Variants in CKMT1B observed in about 807,000 individuals in gnomAD.
CKMT1B encodes the protein creatine kinase U-type, mitochondrial.
In CKMT1B, 13 loss-of-function variants were observed where a neutral mutation model predicts 21.8. The ratio of observed to expected loss-of-function variants is 0.60; its 90% CI spans 0.39 to 0.95. CKMT1B has a LOEUF of 0.95. CKMT1B is among the 40% of genes least tolerant of loss of function. CKMT1B has a pLI of 0.00. For missense variants in CKMT1B, 157 were observed against 227.5 expected (o/e 0.69, Z 1.99); for synonymous variants, 50 against 80.3 (o/e 0.62, Z 2.02).
At chr15:43,597,508 C>G in intron 6 of CKMT1B, 2 of 1,253,874 alleles carry the variant, frequency 1.6e-6, no homozygotes, top group Non-Finnish European at 2.1e-6. Flanking sequence ...TGTAAGATAT[C>G]CCCTATGGCA....
chr15:43,596,472 A>T lies in CKMT1B; in HGVS notation c.817A>T (p.Met273Leu). 1.9e-6 allele frequency: 3 copies of T among 1,601,496 alleles called. No homozygotes were observed. Among genetic ancestry groups the T allele is most frequent in the Non-Finnish European group, 2.5e-6 (3 of 1,176,484 alleles). The change falls in exon 6 of 9, where the codon ATG becomes TTG. Residue 273 changes from methionine (M) to leucine (L), a missense_variant. Met to Leu is a conservative substitution (Grantham distance 15). Coordinates refer to ENST00000441322, the MANE Select transcript of CKMT1B (RefSeq NM_001375484.1). ...GGAGGATCATACACGGGTGATCTCC[A>T]TGGAGAAGGGTGGTAACATGAAGAG... ...NEEDHTRVIS[M>L]EKGGNMKRVF...
rs769957945 is a variant in CKMT1B, at chr15:43,598,217, G to A, written c.901G>A (p.Gly301Ser). The change falls in exon 7 of 9, where the codon GGC (glycine) becomes AGC (serine). Residue 301 changes from glycine to serine, a missense_variant. Physicochemically the swap from Gly to Ser is moderately conservative, Grantham distance 56. Transcript: ENST00000441322. ...KEVERLIQER[G>S]WEFMWNERLG... Reference sequence around the variant, plus strand: ...GGTGGAGAGACTTATCCAAGAACGTGGCTGGGAGTTCATGTGGAATGAGCG... The same window carrying A: ...GGTGGAGAGACTTATCCAAGAACGTAGCTGGGAGTTCATGTGGAATGAGCG... The A allele has an allele frequency of 6.2e-6, 10 of 1,608,288 alleles. No homozygotes were observed. The highest frequency in any genetic ancestry group is 5.0e-5 in the Admixed American group (3 of 59,782).
rs754614855 is a variant in CKMT1B, at chr15:43,596,398, C to T, written c.753-10C>T. 6.2e-5 allele frequency: 96 copies of T among 1,559,284 alleles called. 4 individuals carry two copies. The East Asian group carries it at 7.7e-4, about 12-fold the overall frequency. On this transcript the variant is annotated splice_polypyrimidine_tract_variant and intron_variant, in intron 5 of 8. Coordinates refer to ENST00000441322, the MANE Select transcript of CKMT1B (RefSeq NM_001375484.1). ...TTGCCTCTTGATCACTGTCCCTCTC[C>T]GGCCCTCAGGCACAACAATGAGAAG...
At chr15:43,598,359 G>C in intron 7 of CKMT1B, 32 bp downstream of exon 7, 2 of 1,595,302 alleles carry the variant, frequency 1.3e-6, no homozygotes, top group Non-Finnish European at 1.7e-6. Context: ...AGAGGGGTGT[G>C]AGTAAGGAAG....
chr15:43,599,023 C>T (rs1595955433), intron 8 of CKMT1B, 71 bp downstream of exon 8: 7 of 1,599,096 alleles, frequency 4.4e-6, no homozygotes, highest in South Asian at 3.4e-5. Context: ...AGTGAGTGAG[C>T]CTCCGGGATG....
rs763355494 is a variant in CKMT1B, at chr15:43,596,281, T to C, written c.741T>C (p.Ala247=). 1 of 734,120 alleles carries C rather than the reference T, an allele frequency of 1.4e-6. No individual in the cohort carries two copies. Among genetic ancestry groups the C allele is most frequent in the African/African-American group, 2.9e-5 (1 of 34,466 alleles). 45.5% of individuals were successfully genotyped at this position (734,120 alleles called of 1,614,324 possible). A position where few individuals can be genotyped will look rare whatever the true frequency, so the allele number is the denominator to read the frequency against. Residue 247 remains alanine, a synonymous_variant, in exon 5 of 9, where the codon GCT becomes GCC. Transcript: ENST00000441322. ...AAGMARDWPD[A]RGIWHNNEKS... is the part of the protein sequence containing the mutation. ...GAATGGCTCGAGACTGGCCAGATGC[T>C]CGTGGAATTTGGTATGAAGCTGCTC... is the stretch of plus-strand genomic sequence containing the variant.
rs370206328 is a variant in CKMT1B, at chr15:43,599,134, G to C, written c.1138-23G>C. ...AGAAAAACTCAGACTGTAGGAAGCA[G>C]ATCAAAGATTAGTGTCCCTTAGGTG... On this transcript the variant is annotated intron_variant, in intron 8 of 8. Transcript: ENST00000441322. The C allele has an allele frequency of 1.1e-5, 17 of 1,613,402 alleles. 1 individual carries two copies. The highest frequency in any genetic ancestry group is 1.4e-5 in the Non-Finnish European group (17 of 1,179,696).
Position 43,599,348 on chromosome 15 carries a change from C to G in CKMT1B, c.*75C>G, listed in dbSNP as rs2085644438. ...CTAATGATGGCCCATTCTACTTGCT[C>G]TGGACCTGCCCCCGCATCCCCTGCC... On this transcript the variant is annotated 3_prime_UTR_variant, in exon 9 of 9. Transcript: ENST00000441322. 6 of 1,609,820 alleles carry G rather than the reference C, an allele frequency of 3.7e-6. No individual in the cohort carries two copies. In the African/African-American group the frequency reaches 4.0e-5, roughly 11 times the overall value.
chr15:43,598,447 G>A (rs572528695), intron 7 of CKMT1B, 120 bp downstream of exon 7: 4 of 1,444,798 alleles, frequency 2.8e-6, no homozygotes, highest in Non-Finnish European at 3.8e-6. Context: ...CAGAGGACAG[G>A]CCAGGCACAG....
chr15:43,597,527 T>G lies in CKMT1B; in HGVS notation c.877-666T>G, dbSNP rs1332645866. The G allele has an allele frequency of 2.5e-6, 3 of 1,205,710 alleles. 1 individual carries two copies. In the African/African-American group the frequency reaches 5.1e-5, roughly 21 times the overall value. The allele number at this position is 1,205,710 out of a possible 1,614,324, so 74.7% of individuals were successfully genotyped here. On this transcript the variant is annotated intron_variant, in intron 6 of 8. Coordinates refer to ENST00000441322, the MANE Select transcript of CKMT1B (RefSeq NM_001375484.1). ...AGATATCCCCTATGGCATGGTTCCTTCTGAACTATAAAGAGGATCCCTTTA... is the reference window on the plus strand; with the variant it reads ...AGATATCCCCTATGGCATGGTTCCTGCTGAACTATAAAGAGGATCCCTTTA...
chr15:43,599,337 T>A lies in CKMT1B; in HGVS notation c.*64T>A. On this transcript the variant is annotated 3_prime_UTR_variant, in exon 9 of 9. Coordinates refer to ENST00000441322, the MANE Select transcript of CKMT1B (RefSeq NM_001375484.1). ...TTCTGCTCATTCTAATGATGGCCCA[T>A]TCTACTTGCTCTGGACCTGCCCCCG... The A allele has an allele frequency of 1.9e-6, 3 of 1,612,712 alleles. No individual in the cohort carries two copies. The East Asian group carries it at 6.7e-5, about 36-fold the overall frequency.
rs1404008370 is a variant in CKMT1B, at chr15:43,596,455, A to G, written c.800A>G (p.His267Arg). Residue 267 changes from histidine (H) to arginine (R), a missense_variant, in exon 6 of 9, where the codon CAT becomes CGT. By Grantham distance (29) the His-to-Arg change is conservative. Transcript: ENST00000441322. ...SFLIWVNEED[H>R]TRVISMEKGG... ...CTGATCTGGGTGAATGAGGAGGATC[A>G]TACACGGGTGATCTCCATGGAGAAG... 4 of 1,596,658 alleles carry G rather than the reference A, an allele frequency of 2.5e-6. No homozygotes were observed. The highest frequency in any genetic ancestry group is 3.4e-6 in the Non-Finnish European group (4 of 1,173,580).
chr15:43,598,146 A>G, intron 6 of CKMT1B, 47 bp from the exon 7 acceptor site: 1 of 1,607,970 alleles, frequency 6.2e-7, no homozygotes, highest in African/African-American at 1.4e-5. Flanking sequence ...GTCCAGGGTT[A>G]ATGAAATATC....
At chr15:43,597,672 CT>C (rs2085594264) in intron 6 of CKMT1B, 4 of 974,092 alleles carry the variant, frequency 4.1e-6, no homozygotes, top group Non-Finnish European at 5.1e-6. Context: ...CCCCCGCCCC[CT>C]ATTCCTATGA....
rs1478321371 is a variant in CKMT1B at position 43,596,521 on chromosome 15, G to A, written c.866G>A (p.Gly289Asp). ...AGAGTGTTTGAAAGATTCTGCCGAG[G>A]CCTCAAAGAGGTTAGAGAAGACTAT... ...MKRVFERFCRGLKEVERLIQE... is the reference protein window; with the variant it reads ...MKRVFERFCRDLKEVERLIQE... The change falls in exon 6 of 9, where the codon GGC becomes GAC. Residue 289 changes from glycine to aspartate, a missense_variant. Gly to Asp is a moderately conservative substitution (Grantham distance 94, BLOSUM62 -1). Transcript: ENST00000441322. 1 of 1,607,446 alleles carries A rather than the reference G, an allele frequency of 6.2e-7. No homozygotes were observed. The highest frequency in any genetic ancestry group is 8.5e-7 in the Non-Finnish European group (1 of 1,179,352).
intron 7 of CKMT1B, 147 bp downstream of exon 7, chr15:43,598,474 T>C: frequency 8.0e-7 from 1 of 1,252,394 alleles, no homozygotes; most frequent in South Asian, 1.5e-5. Context: ...ATGCCTCTAA[T>C]CCCAACACTT....
Position 43,598,887 on chromosome 15 carries a change from G to T in CKMT1B, c.1072G>T (p.Val358Leu). 5.0e-6 allele frequency: 8 copies of T among 1,609,348 alleles called. No homozygotes were observed. The highest frequency in any genetic ancestry group is 6.8e-6 in the Non-Finnish European group (8 of 1,179,626). ...ACTCCAAAAACGTGGTACTGGAGGA[G>T]TGGACACTGCTGCTACAGGCGGTGT... ...LRLQKRGTGG[V>L]DTAATGGVFD... Residue 358 changes from valine (V) to leucine (L), a missense_variant, in exon 8 of 9, where the codon GTG (valine) becomes TTG (leucine). Coordinates refer to ENST00000441322, the MANE Select transcript of CKMT1B (RefSeq NM_001375484.1).
Position 43,596,516 on chromosome 15 carries a change from C to T in CKMT1B, c.861C>T (p.Cys287=), listed in dbSNP as rs1166625472. Residue 287 remains cysteine, a synonymous_variant, in exon 6 of 9, where the codon TGC becomes TGT. Transcript: ENST00000441322. ...TGAAGAGAGTGTTTGAAAGATTCTGCCGAGGCCTCAAAGAGGTTAGAGAAG... is the reference window on the plus strand; with the variant it reads ...TGAAGAGAGTGTTTGAAAGATTCTGTCGAGGCCTCAAAGAGGTTAGAGAAG... ...GNMKRVFERF[C]RGLKEVERLI... The T allele has an allele frequency of 1.9e-6, 3 of 1,607,124 alleles. No individual in the cohort carries two copies. Among genetic ancestry groups the T allele is most frequent in the East Asian group, 2.3e-5 (1 of 43,412 alleles).
intron 6 of CKMT1B, chr15:43,597,963 A>G (rs2085601727): frequency 1.4e-6 from 2 of 1,388,604 alleles, no homozygotes; most frequent in East Asian, 2.8e-5. Context: ...CTTCTTCCAC[A>G]TAAGATATTT....
Sources: allele counts gnomAD v4.1 joint callset, GRCh38; gene constraint gnomAD v4.1.1; transcripts MANE v1.5; gene names NCBI Gene and HGNC (gene_info 2026-07-23, HGNC 2026-07-21).